The following GRAMD2A variants were observed in gnomAD, a reference collection of about 807,000 sequenced individuals.
GRAMD2A encodes the protein GRAM domain containing 2A, also known as GRAM domain-containing protein 2A.
GRAMD2A carries 37 observed loss-of-function variants against 51.1 expected under a neutral mutation model. That is an observed-to-expected ratio of 0.72 (90% CI 0.56 to 0.95). The LOEUF (loss-of-function observed/expected upper bound fraction) is 0.95. GRAMD2A is among the 40% of genes least tolerant of loss of function. The pLI is 0.00. For synonymous variants in GRAMD2A, 136 were observed against 157.1 expected (o/e 0.87, Z 1.01); for missense variants, 414 against 426.9 (o/e 0.97, Z 0.27).
At chr15:72,164,954 C>T (rs149272855) in intron 8 of GRAMD2A, among the ~76,000 whole-genome samples, 6 of 152,290 alleles carry the variant, frequency 3.9e-5, no homozygotes, top group Non-Finnish European at 5.9e-5. Flanking sequence ...GCTTGGCCAA[C>T]GTGGTGAAAC....
intron 1 of GRAMD2A, among the ~76,000 whole-genome samples, chr15:72,193,550 T>C (rs189031187): frequency 8.1e-4 from 117 of 143,758 alleles, no homozygotes; most frequent in Admixed American, 2.2e-3. Flanking sequence ...CGAGACGCAG[T>C]CTTGCTCTGT....
chr15:72,197,711 C>G lies in GRAMD2A; in HGVS notation c.41+20G>C. ...GCCTCCGGAACCCCCGAGACCGGCC[C>G]CCGGGCCGCAACCCCTTACCCGCCC... On this transcript the variant is annotated intron_variant, in intron 1 of 11. Coordinates refer to ENST00000309731, the MANE Select transcript of GRAMD2A (RefSeq NM_001012642.3). 7.6e-7 allele frequency: 1 copy of G among 1,316,174 alleles called. No individual in the cohort carries two copies. The allele number at this position is 1,316,174 out of a possible 1,614,324, so 81.5% of individuals were successfully genotyped here. A position where few individuals can be genotyped will look rare whatever the true frequency, so the allele number is the denominator to read the frequency against.
At chr15:72,165,276 C>T in intron 8 of GRAMD2A, 78 bp downstream of exon 8, 1 of 1,318,876 alleles carries the variant, frequency 7.6e-7, no homozygotes, top group Non-Finnish European at 1.1e-6. Context: ...CATTGTGGGC[C>T]CCCCTAGGAG....
rs181278426 is a variant in GRAMD2A at position 72,195,529 on chromosome 15, C to A, written c.41+2202G>T. Among the ~76,000 whole-genome samples, 11 of 152,202 alleles carry A rather than the reference C, an allele frequency of 7.2e-5. No homozygotes were observed. In the East Asian group the frequency reaches 2.1e-3, roughly 30 times the overall value. On this transcript the variant is annotated intron_variant, in intron 1 of 11. Transcript: ENST00000309731. Reference sequence around the variant, plus strand: ...GGCAGCAACCCACCTTGGGTACTGCCGACCTCAACCTCAGGGGGTCACGGG... The same window carrying A: ...GGCAGCAACCCACCTTGGGTACTGCAGACCTCAACCTCAGGGGGTCACGGG...
intron 1 of GRAMD2A, among the ~76,000 whole-genome samples, chr15:72,195,793 G>C (rs1204269788): frequency 6.6e-6 from 1 of 151,682 alleles, no homozygotes; most frequent in African/African-American, 2.4e-5. Context: ...GGTGGCGCAT[G>C]CCTGTAATCC....
At position 72,197,678 on chromosome 15, in the gene GRAMD2A, T is replaced by A. The variant is rs1458522576; in HGVS notation, c.41+53A>T. On this transcript the variant is annotated intron_variant, in intron 1 of 11. Coordinates refer to ENST00000309731, the MANE Select transcript of GRAMD2A (RefSeq NM_001012642.3). ...TCCTGCCCCGCGCGGCAGCAGCCCCTCGCGGCGGCCTCCGGAACCCCCGAG... is the reference window on the plus strand; with the variant it reads ...TCCTGCCCCGCGCGGCAGCAGCCCCACGCGGCGGCCTCCGGAACCCCCGAG... 6 of 1,255,592 alleles carry A rather than the reference T, an allele frequency of 4.8e-6. No individual in the cohort carries two copies. In the African/African-American group the frequency reaches 9.6e-5, roughly 20 times the overall value. 77.8% of individuals were successfully genotyped at this position (1,255,592 alleles called of 1,614,324 possible).
intron 1 of GRAMD2A, chr15:72,176,480 CT>C: frequency 6.5e-6 from 1 of 152,864 alleles, no homozygotes; most frequent in Non-Finnish European, 1.5e-5. Flanking sequence ...CAGCTCCACC[CT>C]TTTGTGCAGC....
intron 1 of GRAMD2A, among the ~76,000 whole-genome samples, chr15:72,182,484 A>C (rs1414034290): frequency 6.6e-6 from 1 of 152,180 alleles, no homozygotes; most frequent in Admixed American, 6.5e-5. Flanking sequence ...CACCGAAAGC[A>C]TAAGAAACAG....
intron 1 of GRAMD2A, among the ~76,000 whole-genome samples, chr15:72,186,355 C>T (rs758642635): frequency 1.6e-4 from 24 of 150,192 alleles, no homozygotes; most frequent in African/African-American, 4.4e-4. Context: ...GACAGAGTCT[C>T]GCTCTATCAC....
intron 5 of GRAMD2A, 34 bp downstream of exon 5, chr15:72,167,702 C>T (rs377722755): frequency 2.0e-6 from 3 of 1,523,044 alleles, no homozygotes; most frequent in African/African-American, 2.7e-5. Flanking sequence ...GCTCCCCTCA[C>T]AGGGTCATGG....
At chr15:72,165,475 G>C in intron 7 of GRAMD2A, 65 bp from the exon 8 acceptor site, 1 of 1,471,154 alleles carries the variant, frequency 6.8e-7, no homozygotes. Flanking sequence ...GCAGGGGGAA[G>C]CATCAGCCCT....
chr15:72,191,293 G>A lies in GRAMD2A; in HGVS notation c.41+6438C>T, dbSNP rs182643252. On this transcript the variant is annotated intron_variant, in intron 1 of 11. Transcript: ENST00000309731. ...CAGCTCAATGCAACCTCCGCCTCCC[G>A]AGTTCAAGCGATTCTCCTGCCTCAA... 7.7e-4 allele frequency among the ~76,000 whole-genome samples: 117 copies of A among 151,946 alleles called. 1 individual carries two copies. The highest frequency in any genetic ancestry group is 3.4e-3 in the Middle Eastern group (1 of 294).
chr15:72,160,112 T>G lies in GRAMD2A; in HGVS notation c.*1897A>C, dbSNP rs925499028. ...AGTCACCTACGCTGCAGCATGGCTC[T>G]TGCCCTTTCTGAGCCTGGGTATAGC... On this transcript the variant is annotated 3_prime_UTR_variant, in exon 12 of 12. Transcript: ENST00000309731. The G allele has an allele frequency of 6.6e-6, 1 of 152,200 alleles. No homozygotes were observed. The highest frequency in any genetic ancestry group is 6.5e-5 in the Admixed American group (1 of 15,276). 9.4% of individuals were successfully genotyped at this position (152,200 alleles called of 1,614,324 possible). A position where few individuals can be genotyped will look rare whatever the true frequency, so the allele number is the denominator to read the frequency against.
At chr15:72,165,853 C>CGTTTTTT (rs1170256517) in intron 7 of GRAMD2A, among the ~76,000 whole-genome samples, 3 of 150,444 alleles carry the variant, frequency 2.0e-5, no homozygotes, top group African/African-American at 7.3e-5. Context: ...TTCCGGTTTT[C>CGTTTTTT]GTTTTTTGTT....
intron 1 of GRAMD2A, among the ~76,000 whole-genome samples, chr15:72,189,251 A>C (rs2081752690): frequency 6.6e-6 from 1 of 152,266 alleles, no homozygotes; most frequent in African/African-American, 2.4e-5. Flanking sequence ...GGAAACTTTC[A>C]GAACCAACAG....
chr15:72,164,761 A>T (rs1018516324), intron 8 of GRAMD2A, among the ~76,000 whole-genome samples: 2 of 152,094 alleles, frequency 1.3e-5, no homozygotes, highest in Admixed American at 1.3e-4. Context: ...AGAAAAGAGG[A>T]TGGGCCACTG....
At chr15:72,185,045 A>C (rs1466724301) in intron 1 of GRAMD2A, among the ~76,000 whole-genome samples, 2 of 152,186 alleles carry the variant, frequency 1.3e-5, no homozygotes, top group African/African-American at 4.8e-5. Flanking sequence ...AATAAATGGT[A>C]TTGGGGCAAT....
Position 72,160,333 on chromosome 15 carries a change from CAA to C in GRAMD2A, c.*1674_*1675del, listed in dbSNP as rs11296860. On this transcript the variant is annotated 3_prime_UTR_variant, in exon 12 of 12. Transcript: ENST00000309731. ...ATGAAAGGGTGAAAGGGGCTGGTTC[CAA>C]AAAAAAAAAAAAAAAAAGGATGACC... The C allele has an allele frequency of 5.1e-3, 556 of 109,060 alleles. 2 individuals carry two copies. The highest frequency in any genetic ancestry group is 0.014 in the South Asian group (44 of 3,186). The allele number at this position is 109,060 out of a possible 1,614,324, so 6.8% of individuals were successfully genotyped here. A position where few individuals can be genotyped will look rare whatever the true frequency, so the allele number is the denominator to read the frequency against.
chr15:72,183,189 T>G (rs80326422), intron 1 of GRAMD2A, among the ~76,000 whole-genome samples: 2 of 150,626 alleles, frequency 1.3e-5, no homozygotes, highest in African/African-American at 4.9e-5. Flanking sequence ...GTTTTGTTGT[T>G]TTTTTTTTTC....
Sources: allele counts gnomAD v4.1 joint callset (sites outside exome capture counted in the v4.1 genomes callset), GRCh38; gene constraint gnomAD v4.1.1; transcripts MANE v1.5; gene names NCBI Gene and HGNC (gene_info 2026-07-23, HGNC 2026-07-21).